UBE2E1: variants seen among roughly 807,000 people sequenced by gnomAD.
The protein encoded by UBE2E1 is ubiquitin-conjugating enzyme E2 E1.
UBE2E1 carries 6 observed loss-of-function variants against 21.4 expected under a neutral mutation model. That is an observed-to-expected ratio of 0.28 (90% CI 0.15 to 0.55). UBE2E1 has a LOEUF of 0.55. Ranked by LOEUF, UBE2E1 falls within the 20% of genes least tolerant of loss-of-function variation. The pLI is 0.93. For synonymous variants in UBE2E1, 87 were observed against 82.7 expected (o/e 1.05, Z -0.28); for missense variants, 142 against 236.5 (o/e 0.60, Z 2.62).
rs1269410603 is a variant in UBE2E1, at chr3:23,816,738, T to C, written c.203+5228T>C. Reference sequence around the variant, plus strand: ...AAAGGTTATACTAAGTGAAATAAACTAGAACCAAAAAGACAAATAGCGTAT... The same window carrying C: ...AAAGGTTATACTAAGTGAAATAAACCAGAACCAAAAAGACAAATAGCGTAT... On this transcript the variant is annotated intron_variant, in intron 3 of 5. Coordinates refer to ENST00000306627, the MANE Select transcript of UBE2E1 (RefSeq NM_003341.5). This position sits in a 1 kb window ranked among gnomAD's most constrained non-coding sequence, Gnocchi z 4.8. Among the ~76,000 whole-genome samples the C allele has an allele frequency of 6.6e-6, 1 of 151,922 alleles. No homozygotes were observed. Among genetic ancestry groups the C allele is most frequent in the Non-Finnish European group, 1.5e-5 (1 of 67,998 alleles).
intron 3 of UBE2E1, among the ~76,000 whole-genome samples, chr3:23,845,561 TTCTCTCTC>T (rs144798695): frequency 1.2e-4 from 17 of 137,010 alleles, no homozygotes; most frequent in East Asian, 6.4e-4. Flanking sequence ...CTGTTTTGGT[TTCTCTCTC>T]TCTCTCTCTC....
At chr3:23,839,911 G>GT (rs747606681) in intron 3 of UBE2E1, among the ~76,000 whole-genome samples, 84 of 151,988 alleles carry the variant, frequency 5.5e-4, no homozygotes, top group Admixed American at 2.9e-3. Context: ...TTTTGATGTA[G>GT]TTTTTTTATT....
intron 3 of UBE2E1, among the ~76,000 whole-genome samples, chr3:23,833,028 T>C (rs1266255914): frequency 6.6e-6 from 1 of 152,152 alleles, no homozygotes; most frequent in Non-Finnish European, 1.5e-5. Context: ...AGTGAGACCC[T>C]GTCTCAAAAA....
intron 3 of UBE2E1, among the ~76,000 whole-genome samples, chr3:23,849,582 C>G (rs548803140): frequency 6.6e-6 from 1 of 152,264 alleles, no homozygotes; most frequent in African/African-American, 2.4e-5. Flanking sequence ...TGCTCATCTC[C>G]CACTTATTTG....
At chr3:23,888,555 C>T (rs956832599) in intron 4 of UBE2E1, among the ~76,000 whole-genome samples, 4 of 151,994 alleles carry the variant, frequency 2.6e-5, no homozygotes, top group Non-Finnish European at 5.9e-5. Flanking sequence ...CATGGACACT[C>T]GATTATATAA....
chr3:23,823,653 A>G lies in UBE2E1; in HGVS notation c.203+12143A>G, dbSNP rs1188595510. ...GATTGTTGACTTTGCAGAGAAAAAG[A>G]CCCTAAAAGAAAACATTTGTTTTAT... On this transcript the variant is annotated intron_variant, in intron 3 of 5. Coordinates refer to ENST00000306627, the MANE Select transcript of UBE2E1 (RefSeq NM_003341.5). This position sits in a 1 kb window ranked among gnomAD's most constrained non-coding sequence, Gnocchi z 4.2. Among the ~76,000 whole-genome samples, 2 of 152,228 alleles carry G rather than the reference A, an allele frequency of 1.3e-5. No individual in the cohort carries two copies. Among genetic ancestry groups the G allele is most frequent in the Admixed American group, 6.5e-5 (1 of 15,280 alleles).
chr3:23,846,908 A>G (rs1357990480), intron 3 of UBE2E1, among the ~76,000 whole-genome samples: 3 of 152,072 alleles, frequency 2.0e-5, no homozygotes, highest in Non-Finnish European at 2.9e-5. Context: ...CAAGATGAAT[A>G]AATAGCTGCT....
intron 3 of UBE2E1, among the ~76,000 whole-genome samples, chr3:23,847,382 A>G (rs9869299): frequency 0.77 from 117,050 of 152,056 alleles, 45,499 homozygotes; most frequent in African/African-American, 0.8. Context: ...TATGATAACT[A>G]TGACTGAAAT....
intron 3 of UBE2E1, among the ~76,000 whole-genome samples, chr3:23,812,994 T>TAA (rs11371794): frequency 9.5e-4 from 141 of 148,162 alleles, no homozygotes; most frequent in Middle Eastern, 6.9e-3. Flanking sequence ...ATTAAGCATT[T>TAA]AAAAAAAAAA....
rs1035570943 is a variant in UBE2E1, at chr3:23,863,149, T to C, written c.204-24418T>C. On this transcript the variant is annotated intron_variant, in intron 3 of 5. Coordinates refer to ENST00000306627, the MANE Select transcript of UBE2E1 (RefSeq NM_003341.5). The surrounding 1 kb of genome is among the most constrained non-coding windows in gnomAD (Gnocchi z 4.3). ...GAGTACTTTGTTGTTTATATCCTGT[T>C]TTTAGGTATATACTCATATTACTTT... 1.3e-5 allele frequency among the ~76,000 whole-genome samples: 2 copies of C among 152,196 alleles called. No homozygotes were observed. The highest frequency in any genetic ancestry group is 4.8e-5 in the African/African-American group (2 of 41,452).
chr3:23,854,271 G>T (rs896662621), intron 3 of UBE2E1, among the ~76,000 whole-genome samples: 7 of 149,774 alleles, frequency 4.7e-5, no homozygotes, highest in Non-Finnish European at 1.0e-4. Context: ...AAAGCTTTAT[G>T]CATCTACCCA....
In UBE2E1 at chr3:23,862,539, C is replaced by T. The variant is rs867718022; in HGVS notation, c.204-25028C>T. ...TATATGTCCCTGGCATATAGTTATC[C>T]CTGAATTATGTGGTGAATCTATAAT... On this transcript the variant is annotated intron_variant, in intron 3 of 5. Coordinates refer to ENST00000306627, the MANE Select transcript of UBE2E1 (RefSeq NM_003341.5). 2.6e-5 allele frequency among the ~76,000 whole-genome samples: 4 copies of T among 152,022 alleles called. No individual in the cohort carries two copies. The South Asian group carries it at 8.3e-4, about 32-fold the overall frequency.
intron 3 of UBE2E1, among the ~76,000 whole-genome samples, chr3:23,874,796 A>G (rs1334306634): frequency 1.3e-5 from 2 of 152,220 alleles, no homozygotes; most frequent in African/African-American, 4.8e-5. Flanking sequence ...TCAAGACACA[A>G]GGGATACTGA....
intron 3 of UBE2E1, among the ~76,000 whole-genome samples, chr3:23,885,295 T>C (rs1701156576): frequency 6.6e-6 from 1 of 152,170 alleles, no homozygotes; most frequent in Non-Finnish European, 1.5e-5. Flanking sequence ...CATTGAGGAT[T>C]AGGATTTCAA....
intron 3 of UBE2E1, among the ~76,000 whole-genome samples, chr3:23,881,660 A>G (rs1180545290): frequency 6.6e-6 from 1 of 152,222 alleles, no homozygotes; most frequent in African/African-American, 2.4e-5. Flanking sequence ...GACAGGGTAG[A>G]CTTAATGCAA....
At position 23,876,259 on chromosome 3, in the gene UBE2E1, T is replaced by C. The variant is rs1700911990; in HGVS notation, c.204-11308T>C. Among the ~76,000 whole-genome samples, 1 of 152,246 alleles carries C rather than the reference T, an allele frequency of 6.6e-6. No individual in the cohort carries two copies. Among genetic ancestry groups the C allele is most frequent in the South Asian group, 2.1e-4 (1 of 4,836 alleles). On this transcript the variant is annotated intron_variant, in intron 3 of 5. Coordinates refer to ENST00000306627, the MANE Select transcript of UBE2E1 (RefSeq NM_003341.5). The surrounding 1 kb of genome is among the most constrained non-coding windows in gnomAD (Gnocchi z 4.3). Reference sequence around the variant, plus strand: ...CCTTCTAACTTAGTTATTAGGACTATGGCAGTGGTCGCCCTGCTTTTTAAT... The same window carrying C: ...CCTTCTAACTTAGTTATTAGGACTACGGCAGTGGTCGCCCTGCTTTTTAAT...
At chr3:23,854,521 A>G (rs999963479) in intron 3 of UBE2E1, among the ~76,000 whole-genome samples, 1 of 152,172 alleles carries the variant, frequency 6.6e-6, no homozygotes, top group African/African-American at 2.4e-5. Context: ...AAGCCTTCTC[A>G]TGGCCTTTTT....
At chr3:23,815,836 G>C (rs1699503839) in intron 3 of UBE2E1, among the ~76,000 whole-genome samples, 2 of 152,208 alleles carry the variant, frequency 1.3e-5, no homozygotes, top group Admixed American at 6.5e-5. Flanking sequence ...AATGCGTTAA[G>C]GATAGAAGTG....
At position 23,886,946 on chromosome 3, in the gene UBE2E1, G is replaced by A. The variant is rs78813389; in HGVS notation, c.204-621G>A. The stretch of plus-strand genomic sequence containing the variant: ...CAGTGATTTATGATAACAGCTAACA[G>A]GGTTGGAGGAATGTCTCAAGTATTA... On this transcript the variant is annotated intron_variant, in intron 3 of 5. Coordinates refer to ENST00000306627, the MANE Select transcript of UBE2E1 (RefSeq NM_003341.5). 1.6e-4 allele frequency among the ~76,000 whole-genome samples: 25 copies of A among 152,324 alleles called. No individual in the cohort carries two copies. The East Asian group carries it at 4.8e-3, about 29-fold the overall frequency.
Sources: allele counts gnomAD v4.1 joint callset (sites outside exome capture counted in the v4.1 genomes callset), GRCh38; gene constraint gnomAD v4.1.1; non-coding constraint Gnocchi (gnomAD v3.1); transcripts MANE v1.5; gene names NCBI Gene and HGNC (gene_info 2026-07-23, HGNC 2026-07-21).